Variants in GABRG3 observed in about 807,000 individuals in gnomAD.
GABRG3 encodes the protein gamma-aminobutyric acid receptor subunit gamma-3.
GABRG3 carries 25 observed loss-of-function variants against 48.8 expected under a neutral mutation model. The observed-to-expected ratio is 0.51, with a 90% CI of 0.37 to 0.72. The LOEUF (loss-of-function observed/expected upper bound fraction) is 0.72, where lower values mean the gene tolerates loss of function less well. GABRG3 is among the 30% of genes least tolerant of loss of function. The pLI is 0.00. For synonymous variants in GABRG3, 227 were observed against 217.6 expected (o/e 1.04, Z -0.38); for missense variants, 394 against 577.9 (o/e 0.68, Z 3.26).
At chr15:27,095,085 G>T (rs551986357) in intron 3 of GABRG3, among the ~76,000 whole-genome samples, 2 of 152,226 alleles carry the variant, frequency 1.3e-5, no homozygotes, top group Admixed American at 6.5e-5. Flanking sequence ...AAATGAACAG[G>T]ACTGGATTTT....
chr15:27,457,135 G>C lies in GABRG3; in HGVS notation c.575-23515G>C, dbSNP rs1889307843. ...ACACGGTGGGTGTGAGTGGAGGGTG[G>C]GGAGTTGTAGCATTCATTAGAGACC... On this transcript the variant is annotated intron_variant, in intron 5 of 9. Transcript: ENST00000615808. This position sits in a 1 kb window ranked among gnomAD's most constrained non-coding sequence, Gnocchi z 4.4. 6.6e-6 allele frequency among the ~76,000 whole-genome samples: 1 copy of C among 152,154 alleles called. No individual in the cohort carries two copies. Among genetic ancestry groups the C allele is most frequent in the Non-Finnish European group, 1.5e-5 (1 of 68,040 alleles).
At chr15:27,059,332 A>G (rs552080427) in intron 3 of GABRG3, among the ~76,000 whole-genome samples, 2 of 152,342 alleles carry the variant, frequency 1.3e-5, no homozygotes, top group African/African-American at 2.4e-5. Flanking sequence ...GACAGAGACC[A>G]TGCTCCCACC....
At chr15:27,017,479 C>T (rs1216370560) in intron 2 of GABRG3, among the ~76,000 whole-genome samples, 1 of 152,144 alleles carries the variant, frequency 6.6e-6, no homozygotes, top group African/African-American at 2.4e-5. Flanking sequence ...TGTTCATTGC[C>T]TCTGTTGTGA....
chr15:27,090,867 G>C lies in GABRG3; in HGVS notation c.270+64046G>C, dbSNP rs1263500714. 2.6e-5 allele frequency among the ~76,000 whole-genome samples: 4 copies of C among 152,286 alleles called. 1 individual carries two copies. In the South Asian group the frequency reaches 8.3e-4, roughly 32 times the overall value. ...TTTTGTTGAGTTGATTTTATATCCTGCAACACTGCTGAGTTTGTCTATTAG... is the reference window on the plus strand; with the variant it reads ...TTTTGTTGAGTTGATTTTATATCCTCCAACACTGCTGAGTTTGTCTATTAG... On this transcript the variant is annotated intron_variant, in intron 3 of 9. Coordinates refer to ENST00000615808, the MANE Select transcript of GABRG3 (RefSeq NM_033223.5).
At chr15:27,441,001 A>G (rs943231442) in intron 5 of GABRG3, among the ~76,000 whole-genome samples, 1 of 152,206 alleles carries the variant, frequency 6.6e-6, no homozygotes, top group African/African-American at 2.4e-5. Context: ...AGGGATCTCC[A>G]CAGTCTGTTT....
chr15:27,194,432 A>G (rs1298464125), intron 3 of GABRG3, among the ~76,000 whole-genome samples: 1 of 152,156 alleles, frequency 6.6e-6, no homozygotes, highest in Non-Finnish European at 1.5e-5. Context: ...TCCTTTAGCA[A>G]CTCCTTAAGG....
At chr15:27,307,819 AATAAAC>A (rs1363045629) in intron 3 of GABRG3, among the ~76,000 whole-genome samples, 6 of 91,492 alleles carry the variant, frequency 6.6e-5, no homozygotes, top group South Asian at 2.8e-4. Flanking sequence ...ACATATATAA[AATAAAC>A]ATAAACATAT....
At chr15:27,307,787 C>T (rs1396407915) in intron 3 of GABRG3, among the ~76,000 whole-genome samples, 1 of 63,846 alleles carries the variant, frequency 1.6e-5, no homozygotes, top group Non-Finnish European at 3.2e-5. Context: ...TATATATAAA[C>T]ATATATATAA....
At chr15:27,501,795 TGA>T in intron 6 of GABRG3, among the ~76,000 whole-genome samples, 1 of 152,256 alleles carries the variant, frequency 6.6e-6, no homozygotes, top group South Asian at 2.1e-4. Context: ...CACTTAGGGA[TGA>T]GAAACAAAGA....
chr15:26,989,912 C>T (rs1005107044), intron 2 of GABRG3, among the ~76,000 whole-genome samples: 2 of 152,066 alleles, frequency 1.3e-5, no homozygotes, highest in African/African-American at 2.4e-5. Context: ...CTTATTTCAC[C>T]TAATGATCTC....
At chr15:27,514,431 T>C (rs1320377316) in intron 6 of GABRG3, among the ~76,000 whole-genome samples, 2 of 152,312 alleles carry the variant, frequency 1.3e-5, no homozygotes, top group East Asian at 3.9e-4. Context: ...AGAATTATTA[T>C]TCGCAGCTGT....
intron 9 of GABRG3, among the ~76,000 whole-genome samples, chr15:27,528,800 A>G (rs1891346313): frequency 6.6e-6 from 1 of 152,142 alleles, no homozygotes; most frequent in South Asian, 2.1e-4. Context: ...TAAGGTAGCA[A>G]TCTGACAGTG....
intron 3 of GABRG3, among the ~76,000 whole-genome samples, chr15:27,089,128 G>A (rs558301496): frequency 5.3e-5 from 8 of 152,200 alleles, no homozygotes; most frequent in Non-Finnish European, 1.2e-4. Flanking sequence ...AGGGCAGGAA[G>A]GACCGTGGAA....
intron 3 of GABRG3, among the ~76,000 whole-genome samples, chr15:27,032,046 A>G (rs192255181): frequency 1.3e-5 from 2 of 152,300 alleles, no homozygotes; most frequent in Non-Finnish European, 2.9e-5. Flanking sequence ...TGTGAAGGTT[A>G]CATGCTTCTC....
intron 3 of GABRG3, among the ~76,000 whole-genome samples, chr15:27,065,155 G>A (rs780101847): frequency 5.9e-5 from 9 of 152,196 alleles, no homozygotes; most frequent in Non-Finnish European, 1.3e-4. Flanking sequence ...CAGGAGGAAA[G>A]GCTGTTTATG....
At chr15:27,309,217 A>T (rs1462773925) in intron 3 of GABRG3, among the ~76,000 whole-genome samples, 1 of 94,200 alleles carries the variant, frequency 1.1e-5, no homozygotes, top group Non-Finnish European at 2.4e-5. Flanking sequence ...GTTTGTATAG[A>T]AACATAATGT....
intron 3 of GABRG3, among the ~76,000 whole-genome samples, chr15:27,089,571 C>T (rs1038067660): frequency 1.3e-5 from 2 of 152,244 alleles, no homozygotes; most frequent in East Asian, 3.9e-4. Context: ...AGGACTCTAC[C>T]GTGTGTGACC....
chr15:27,508,213 A>G (rs73369559), intron 6 of GABRG3, among the ~76,000 whole-genome samples: 2 of 152,110 alleles, frequency 1.3e-5, no homozygotes, highest in African/African-American at 4.8e-5. Context: ...GTAAAAACAT[A>G]TTCCAGCTGT....
chr15:27,494,026 A>G lies in GABRG3; in HGVS notation c.712+13239A>G, dbSNP rs149037060. ...AAAGAATGGATGTTGAATTTTGTCTACTTTTTCTTTATCATTTGATGTGAT... is the reference window on the plus strand; with the variant it reads ...AAAGAATGGATGTTGAATTTTGTCTGCTTTTTCTTTATCATTTGATGTGAT... On this transcript the variant is annotated intron_variant, in intron 6 of 9. Transcript: ENST00000615808. 2.8e-4 allele frequency among the ~76,000 whole-genome samples: 42 copies of G among 152,182 alleles called. 1 individual carries two copies. The East Asian group carries it at 6.2e-3, about 22-fold the overall frequency.
Sources: gnomAD v4.1 joint callset for allele counts (sites outside exome capture counted in the v4.1 genomes callset) on GRCh38, gnomAD v4.1.1 for gene constraint, Gnocchi (gnomAD v3.1) non-coding constraint, MANE v1.5 for transcripts, NCBI Gene and HGNC (gene_info 2026-07-23, HGNC 2026-07-21) for gene names.